CBR3: variants seen among roughly 807,000 people sequenced by gnomAD.
CBR3 encodes the protein carbonyl reductase 3.
CBR3 carries 14 observed loss-of-function variants against 11.6 expected under a neutral mutation model. The observed-to-expected ratio is 1.20, with a 90% CI of 0.79 to 1.88. The LOEUF (loss-of-function observed/expected upper bound fraction) is 1.88, where lower values mean the gene tolerates loss of function less well. Among genes scored for constraint, CBR3 ranks in the 40% most tolerant of loss-of-function variants. The pLI is 0.00. For synonymous variants in CBR3, 125 were observed against 145.6 expected (o/e 0.86, Z 1.02); for missense variants, 308 against 357.3 (o/e 0.86, Z 1.11).
chr21:36,137,931 T>C lies in CBR3; in HGVS notation c.396T>C (p.His132=), dbSNP rs555970835. ...CNELLPIMKP[H]GRVVNISSLQ... ...AGTTACTGCCGATAATGAAACCTCA[T>C]GGTAAGCCCAACGTGTGGACAGTCG... is the stretch of plus-strand genomic sequence containing the variant. Residue 132 remains histidine (H), a splice_region_variant and synonymous_variant, in exon 2 of 3, where the codon CAT becomes CAC. Coordinates refer to ENST00000290354, the MANE Select transcript of CBR3 (RefSeq NM_001236.4). The C allele has an allele frequency of 1.3e-4, 198 of 1,570,548 alleles. 1 individual carries two copies. In the Middle Eastern group the frequency reaches 5.9e-3, roughly 47 times the overall value.
Position 36,146,387 on chromosome 21 carries a change from G to C in CBR3, c.709G>C (p.Gly237Arg), listed in dbSNP as rs1469762315. The C allele has an allele frequency of 1.2e-6, 2 of 1,614,072 alleles. No individual in the cohort carries two copies. The highest frequency in any genetic ancestry group is 3.3e-5 in the Admixed American group (2 of 59,998). Residue 237 changes from glycine (G) to arginine (R), a missense_variant, in exon 3 of 3, where the codon GGG (glycine) becomes CGG (arginine). Transcript: ENST00000290354. Reference protein sequence around the residue: ...CPGPVKTDMDGKDSIRTVEEG... With the variant: ...CPGPVKTDMDRKDSIRTVEEG... The stretch of plus-strand genomic sequence containing the variant: ...AGGACCAGTGAAGACAGACATGGAT[G>C]GGAAAGACAGCATCAGGACTGTGGA...
rs1426367031 is a variant in CBR3 at position 36,135,301 on chromosome 21, G to A, written c.109G>A (p.Ala37Thr). The change falls in exon 1 of 3, where the codon GCG becomes ACG. Residue 37 changes from alanine (A) to threonine (T), a missense_variant. Coordinates refer to ENST00000290354, the MANE Select transcript of CBR3 (RefSeq NM_001236.4). ...RQFSGDVVLTARDVARGQAAV... is the reference protein window; with the variant it reads ...RQFSGDVVLTTRDVARGQAAV... ...GTTCTCTGGGGATGTGGTGCTCACC[G>A]CGCGGGACGTGGCGCGGGGCCAGGC... The A allele has an allele frequency of 6.2e-7, 1 of 1,609,852 alleles. No individual in the cohort carries two copies. Among genetic ancestry groups the A allele is most frequent in the Non-Finnish European group, 8.5e-7 (1 of 1,178,572 alleles).
chr21:36,144,057 C>T (rs1330270873), intron 2 of CBR3, among the ~76,000 whole-genome samples: 1 of 151,962 alleles, frequency 6.6e-6, no homozygotes, highest in East Asian at 1.9e-4. Flanking sequence ...ATTGGGTGTG[C>T]CTAGGAAATT....
At position 36,135,538 on chromosome 21, in the gene CBR3, C is replaced by T. The variant is rs1348632655; in HGVS notation, c.289+57C>T. 1.8e-4 allele frequency: 260 copies of T among 1,476,940 alleles called. 1 individual carries two copies. The highest frequency in any genetic ancestry group is 1.4e-5 in the African/African-American group (1 of 71,166). The allele number at this position is 1,476,940 out of a possible 1,614,324, so 91.5% of individuals were successfully genotyped here. A position where few individuals can be genotyped will look rare whatever the true frequency, so the allele number is the denominator to read the frequency against. On this transcript the variant is annotated intron_variant, in intron 1 of 2. Transcript: ENST00000290354. ...GAGCGCTCCGAGGGTGCGGAGGTGG[C>T]CAGCCGCAGGCTCCCCACCCGTCCA...
chr21:36,138,719 ATTTTC>A (rs1488997494), intron 2 of CBR3: 4 of 134,876 alleles, frequency 3.0e-5, no homozygotes, highest in Admixed American at 7.4e-5. Flanking sequence ...CCCAAAAGAA[ATTTTC>A]TTTTCTTTTT....
chr21:36,140,886 T>C (rs2065702658), intron 2 of CBR3, among the ~76,000 whole-genome samples: 1 of 151,126 alleles, frequency 6.6e-6, no homozygotes, highest in South Asian at 2.1e-4. Flanking sequence ...TGGGCACCTG[T>C]AGTCCCAGCT....
At chr21:36,141,597 G>C (rs529983492) in intron 2 of CBR3, 1 of 152,184 alleles carries the variant, frequency 6.6e-6, no homozygotes, top group Non-Finnish European at 1.5e-5. Context: ...ATTTGTTCAA[G>C]GTTCTGAGTC....
At chr21:36,138,876 GC>G in intron 2 of CBR3, 1 of 151,024 alleles carries the variant, frequency 6.6e-6, no homozygotes. Flanking sequence ...CTCTGGAGTA[GC>G]TGGGATTACA....
At chr21:36,135,950 G>T (rs1406738986) in intron 1 of CBR3, among the ~76,000 whole-genome samples, 1 of 152,236 alleles carries the variant, frequency 6.6e-6, no homozygotes. Context: ...GCTAAAACAG[G>T]ATTAGCGCGC....
At chr21:36,139,678 G>A (rs1034879145) in intron 2 of CBR3, among the ~76,000 whole-genome samples, 2 of 152,034 alleles carry the variant, frequency 1.3e-5, no homozygotes, top group African/African-American at 4.8e-5. Flanking sequence ...TACTGCACCT[G>A]GCCAGAAGTG....
Position 36,137,863 on chromosome 21 carries a change from A to G in CBR3, c.328A>G (p.Thr110Ala). 6.2e-7 allele frequency: 1 copy of G among 1,610,626 alleles called. No individual in the cohort carries two copies. Among genetic ancestry groups the G allele is most frequent in the Non-Finnish European group, 8.5e-7 (1 of 1,177,002 alleles). Residue 110 changes from threonine to alanine, a missense_variant, in exon 2 of 3, where the codon ACA becomes GCA. Physicochemically the swap from Thr to Ala is moderately conservative, Grantham distance 58. Transcript: ENST00000290354. ...GCCCTTTGACATTAAAGCTGAGATG[A>G]CACTGAAGACAAATTTTTTTGCCAC... ...PMPFDIKAEM[T>A]LKTNFFATRN... is the part of the protein sequence containing the mutation.
chr21:36,136,785 T>G (rs1475865884), intron 1 of CBR3, among the ~76,000 whole-genome samples: 1 of 151,940 alleles, frequency 6.6e-6, no homozygotes, highest in Non-Finnish European at 1.5e-5. Context: ...CCCAGCACTT[T>G]GGGAGGCTGA....
chr21:36,135,544 G>C, intron 1 of CBR3, 63 bp downstream of exon 1: 1 of 1,456,574 alleles, frequency 6.9e-7, no homozygotes. Flanking sequence ...GTGGCCAGCC[G>C]CAGGCTCCCC....
Position 36,146,107 on chromosome 21 carries a change from T to A in CBR3, c.429T>A (p.Cys143Ter). ...TGGTGAATATCAGTAGTTTGCAGTG[T>A]TTAAGGGCTTTTGAAAACTGCAGTG... ...GRVVNISSLQ[C>*]LRAFENCSED... Residue 143 changes from cysteine to a stop codon, truncating the protein, a stop_gained, in exon 3 of 3, where the codon TGT (cysteine) becomes TGA (stop). Coordinates refer to ENST00000290354, the MANE Select transcript of CBR3 (RefSeq NM_001236.4). LOFTEE classifies it low-confidence loss of function (END_TRUNC). The A allele has an allele frequency of 6.2e-7, 1 of 1,613,816 alleles. No homozygotes were observed. The highest frequency in any genetic ancestry group is 1.1e-5 in the South Asian group (1 of 91,066).
At chr21:36,136,455 G>T (rs1601349200) in intron 1 of CBR3, among the ~76,000 whole-genome samples, 1 of 152,200 alleles carries the variant, frequency 6.6e-6, no homozygotes, top group African/African-American at 2.4e-5. Flanking sequence ...ACTCCGCATT[G>T]TTGTGCATGG....
In CBR3 at chr21:36,146,523, C is replaced by G. The variant is rs753122489; in HGVS notation, c.*11C>G. ...GTGCAAAACTGGTAAACGTCTGCTT[C>G]GGAGCTTGCTGCTTAATAAATGTTG... On this transcript the variant is annotated 3_prime_UTR_variant, in exon 3 of 3. Coordinates refer to ENST00000290354, the MANE Select transcript of CBR3 (RefSeq NM_001236.4). 9.6e-6 allele frequency: 15 copies of G among 1,569,544 alleles called. No homozygotes were observed. In the South Asian group the frequency reaches 1.8e-4, roughly 18 times the overall value.
Position 36,146,517 on chromosome 21 carries a change from C to CTGCT in CBR3, c.*7_*10dup. ...AAAGTTGTGCAAAACTGGTAAACGT[C>CTGCT]TGCTTCGGAGCTTGCTGCTTAATAA... On this transcript the variant is annotated 3_prime_UTR_variant, in exon 3 of 3. Transcript: ENST00000290354. 1 of 1,582,668 alleles carries CTGCT rather than the reference C, an allele frequency of 6.3e-7. No individual in the cohort carries two copies. The highest frequency in any genetic ancestry group is 8.6e-7 in the Non-Finnish European group (1 of 1,161,128).
chr21:36,138,040 C>T (rs1005935272), intron 2 of CBR3, 108 bp downstream of exon 2: 23 of 651,080 alleles, frequency 3.5e-5, no homozygotes, highest in African/African-American at 3.1e-4. Flanking sequence ...TGCTATTTCT[C>T]TGAAGGGGGA....
chr21:36,146,231 G>A lies in CBR3; in HGVS notation c.553G>A (p.Glu185Lys), dbSNP rs1469137042. ...FVEDTKNEVH[E>K]REGWPNSPYG... Reference sequence around the variant, plus strand: ...GGAGGACACAAAAAATGAGGTGCATGAGAGGGAAGGCTGGCCCAACTCACC... The same window carrying A: ...GGAGGACACAAAAAATGAGGTGCATAAGAGGGAAGGCTGGCCCAACTCACC... The change falls in exon 3 of 3, where the codon GAG (glutamate) becomes AAG (lysine). Residue 185 changes from glutamate to lysine, a missense_variant. Transcript: ENST00000290354. 6.2e-7 allele frequency: 1 copy of A among 1,614,202 alleles called. No individual in the cohort carries two copies. Among genetic ancestry groups the A allele is most frequent in the South Asian group, 1.1e-5 (1 of 91,084 alleles).
Sources: allele counts gnomAD v4.1 joint callset (sites outside exome capture counted in the v4.1 genomes callset), GRCh38; gene constraint gnomAD v4.1.1; transcripts MANE v1.5; gene names NCBI Gene and HGNC (gene_info 2026-07-23, HGNC 2026-07-21).